DDX42: variants seen among roughly 807,000 people sequenced by gnomAD.
DDX42 encodes the protein DEAD-box helicase 42, also known as ATP-dependent RNA helicase DDX42.
In DDX42, 22 loss-of-function variants were observed where a neutral mutation model predicts 101.5. The observed-to-expected ratio is 0.22, with a 90% CI of 0.15 to 0.31. DDX42 has a LOEUF of 0.31. Among genes scored for constraint, DDX42 ranks in the 10% least tolerant of loss-of-function variants. DDX42 has a pLI of 1.00. For missense variants in DDX42, 849 were observed against 1,199.9 expected (o/e 0.71, Z 4.32); for synonymous variants, 402 against 401.2 (o/e 1.00, Z -0.02).
At chr17:63,797,706 T>G (rs2597637) in intron 3 of DDX42, among the ~76,000 whole-genome samples, 106,620 of 152,170 alleles carry the variant, frequency 0.7, 38,807 homozygotes, top group African/African-American at 0.92. Context: ...GAGGAAGGCC[T>G]ATCTGCCTGA....
intron 5 of DDX42, chr17:63,800,267 T>A (rs937708802): frequency 3.7e-6 from 2 of 543,554 alleles, no homozygotes; most frequent in Non-Finnish European, 6.4e-6. Context: ...CATTTAATAG[T>A]ACTAACTGTT....
intron 2 of DDX42, among the ~76,000 whole-genome samples, chr17:63,791,771 G>T (rs2039630769): frequency 1.3e-5 from 2 of 152,172 alleles, no homozygotes; most frequent in African/African-American, 4.8e-5. Flanking sequence ...TTTTGGCTGT[G>T]CACAGTGGCT....
At chr17:63,793,923 A>G (rs1226824888) in intron 3 of DDX42, among the ~76,000 whole-genome samples, 1 of 151,448 alleles carries the variant, frequency 6.6e-6, no homozygotes, top group Non-Finnish European at 1.5e-5. Flanking sequence ...GATAATTCAA[A>G]TCACTTGCCC....
chr17:63,817,885 T>A lies in DDX42; in HGVS notation c.2304T>A (p.Asn768Lys). 5.0e-6 allele frequency: 8 copies of A among 1,614,198 alleles called. No homozygotes were observed. The highest frequency in any genetic ancestry group is 6.8e-6 in the Non-Finnish European group (8 of 1,180,042). ...CCAAGGGCATCCCAGGCTTTGGCAA[T>A]ACTGGCAACATCAGTGGTGCCCCTG... Reference protein sequence around the residue: ...SAAKGIPGFGNTGNISGAPVT... With the variant: ...SAAKGIPGFGKTGNISGAPVT... Residue 768 changes from asparagine (N) to lysine (K), a missense_variant, in exon 18 of 18, where the codon AAT becomes AAA. By Grantham distance (94) the Asn-to-Lys change is moderately conservative (BLOSUM62 0). Around this residue, in one of 5 missense-constraint regions of DDX42, gnomAD observed 300 missense variants for 304.9 expected, o/e 0.98. Coordinates refer to ENST00000389924, the MANE Select transcript of DDX42 (RefSeq NM_203499.3).
intron 7 of DDX42, 87 bp from the exon 8 acceptor site, chr17:63,806,448 A>T (rs1598338576): frequency 7.1e-7 from 1 of 1,398,830 alleles, no homozygotes; most frequent in Non-Finnish European, 9.5e-7. Context: ...TCCAGCTAAA[A>T]TGCTAGATCC....
At chr17:63,806,303 T>G in intron 7 of DDX42, 1 of 336,682 alleles carries the variant, frequency 3.0e-6, no homozygotes, top group East Asian at 5.1e-5. Context: ...TTTTAATCAT[T>G]TAAAATTGTA....
intron 1 of DDX42, among the ~76,000 whole-genome samples, chr17:63,778,287 G>C (rs1351318551): frequency 2.0e-5 from 3 of 152,200 alleles, no homozygotes; most frequent in Non-Finnish European, 4.4e-5. Flanking sequence ...GGTTTTAGAT[G>C]AAGCATCTGG....
In DDX42 at chr17:63,816,937, C is replaced by T; in HGVS notation, c.2083C>T (p.Arg695Ter). Residue 695 changes from arginine to a stop codon, truncating the protein, a stop_gained, in exon 17 of 18, where the codon CGA (arginine) becomes TGA (stop). Transcript: ENST00000389924. LOFTEE classifies it high-confidence loss of function. ...YKPSTGAMGDRLTAMKAAFQS... is the reference protein window; with the variant it reads ...YKPSTGAMGD ...GCCTTCCACAGGAGCTATGGGAGAT[C>T]GACTAACGGCAATGAAAGCAGCTTT... 1.2e-6 allele frequency: 2 copies of T among 1,613,762 alleles called. No homozygotes were observed. The highest frequency in any genetic ancestry group is 1.7e-6 in the Non-Finnish European group (2 of 1,179,876).
At chr17:63,776,785 T>C (rs1316382617) in intron 1 of DDX42, among the ~76,000 whole-genome samples, 1 of 152,040 alleles carries the variant, frequency 6.6e-6, no homozygotes, top group Non-Finnish European at 1.5e-5. Flanking sequence ...TTTTTATAGA[T>C]GAGGAAACTG....
intron 13 of DDX42, chr17:63,811,682 C>A: frequency 1.7e-6 from 1 of 572,322 alleles, no homozygotes; most frequent in Non-Finnish European, 3.1e-6. Context: ...CAGTTGCTTG[C>A]CATGGTTATT....
In DDX42 at chr17:63,811,208, G is replaced by C. The variant is rs575877190; in HGVS notation, c.1398+35G>C. On this transcript the variant is annotated intron_variant, in intron 13 of 17. Coordinates refer to ENST00000389924, the MANE Select transcript of DDX42 (RefSeq NM_203499.3). ...AGCAGGGCTGGATGGGACCTTAATG[G>C]GTTTATTTCTCATATTATGGAACAC... The C allele has an allele frequency of 2.8e-6, 4 of 1,448,748 alleles. No homozygotes were observed. The South Asian group carries it at 4.9e-5, about 18-fold the overall frequency. 89.7% of individuals were successfully genotyped at this position (1,448,748 alleles called of 1,614,324 possible). A position where few individuals can be genotyped will look rare whatever the true frequency, so the allele number is the denominator to read the frequency against.
intron 2 of DDX42, among the ~76,000 whole-genome samples, chr17:63,787,776 G>A (rs1461738542): frequency 6.6e-6 from 1 of 152,066 alleles, no homozygotes; most frequent in Non-Finnish European, 1.5e-5. Context: ...GGGAGGCACA[G>A]GTTGCAGTGA....
chr17:63,777,057 C>T (rs192364786), intron 1 of DDX42, among the ~76,000 whole-genome samples: 318 of 152,210 alleles, frequency 2.1e-3, no homozygotes, highest in African/African-American at 7.3e-3. Context: ...CAGGCGTGTG[C>T]CACCATGCCT....
chr17:63,811,805 A>G, intron 13 of DDX42, 127 bp from the exon 14 acceptor site: 1 of 1,271,848 alleles, frequency 7.9e-7, no homozygotes, highest in East Asian at 2.3e-5. Flanking sequence ...TGACTTGCTG[A>G]AGGCCCAAGG....
intron 12 of DDX42, 95 bp from the exon 13 acceptor site, chr17:63,810,981 A>G: frequency 1.0e-6 from 1 of 992,150 alleles, no homozygotes; most frequent in Non-Finnish European, 1.5e-6. Flanking sequence ...GAGCTTATGT[A>G]AAAAAACTGA....
At chr17:63,809,016 A>G (rs1440438504) in intron 10 of DDX42, 68 bp downstream of exon 10, 11 of 1,582,844 alleles carry the variant, frequency 6.9e-6, no homozygotes, top group South Asian at 1.1e-5. Flanking sequence ...TTAGTTTTGC[A>G]GAGAATTTCC....
intron 1 of DDX42, among the ~76,000 whole-genome samples, chr17:63,783,565 G>A (rs2039512970): frequency 6.6e-6 from 1 of 152,074 alleles, no homozygotes; most frequent in Admixed American, 6.6e-5. Context: ...TCATCACACT[G>A]GAATTACGTT....
At chr17:63,799,716 C>A in intron 5 of DDX42, 91 bp downstream of exon 5, 2 of 1,267,002 alleles carry the variant, frequency 1.6e-6, no homozygotes, top group Non-Finnish European at 1.1e-6. Context: ...TCAAAATGGC[C>A]ATTCCTGACA....
chr17:63,783,222 G>A (rs1361365965), intron 1 of DDX42, among the ~76,000 whole-genome samples: 1 of 152,152 alleles, frequency 6.6e-6, no homozygotes, highest in Non-Finnish European at 1.5e-5. Flanking sequence ...AACAGGGACT[G>A]TATCTTTCAT....
Sources: gnomAD v4.1 joint callset for allele counts (sites outside exome capture counted in the v4.1 genomes callset) on GRCh38, gnomAD v4.1.1 for gene constraint, gnomAD v4.1.1 regional missense constraint, MANE v1.5 for transcripts, NCBI Gene and HGNC (gene_info 2026-07-23, HGNC 2026-07-21) for gene names.